CTTNBP2: variants seen among roughly 807,000 people sequenced by gnomAD.
CTTNBP2 encodes cortactin-binding protein 2.
In CTTNBP2, 108 loss-of-function variants were observed where a neutral mutation model predicts 156.9. That is an observed-to-expected ratio of 0.69 (90% CI 0.59 to 0.81). CTTNBP2 has a LOEUF of 0.81. CTTNBP2 is among the 30% of genes least tolerant of loss of function. The pLI is 0.00. For synonymous variants in CTTNBP2, 767 were observed against 751.8 expected, an observed-to-expected ratio of 1.02 and a Z score of -0.33; for missense variants, 1,924 against 2,035.4, an observed-to-expected ratio of 0.95 and a Z score of 1.05.
chr7:117,718,211 G>GTGTT, intron 21 of CTTNBP2, 92 bp from the exon 22 acceptor site: 1 of 756,520 alleles, frequency 1.3e-6, no homozygotes, highest in Non-Finnish European at 2.3e-6. Flanking sequence ...CACAGCAGAA[G>GTGTT]TGTTACTCTT....
chr7:117,746,219 A>G (rs1796323534), intron 12 of CTTNBP2, 120 bp from the exon 13 acceptor site: 1 of 680,806 alleles, frequency 1.5e-6, no homozygotes, highest in Non-Finnish European at 2.6e-6. Context: ...ATTAAAAACA[A>G]TATTTTAGAG....
rs374093500 is a variant in CTTNBP2, at chr7:117,741,278, G to T, written c.3535+4553C>A. Among the ~76,000 whole-genome samples, 3 of 152,316 alleles carry T rather than the reference G, an allele frequency of 2.0e-5. No individual in the cohort carries two copies. In the East Asian group the frequency reaches 5.8e-4, roughly 29 times the overall value. On this transcript the variant is annotated intron_variant, in intron 14 of 22. Transcript: ENST00000160373. ...AGCTTAGGGACTGCCTAGATATGGG[G>T]AGTGAGGCAGACAGGAAGTGATTAT...
chr7:117,791,486 GCTGCTGT>G lies in CTTNBP2; in HGVS notation c.1703_1709del (p.Asp568AlafsTer28). 1 of 1,614,222 alleles carries G rather than the reference GCTGCTGT, an allele frequency of 6.2e-7. No individual in the cohort carries two copies. Among genetic ancestry groups the G allele is most frequent in the South Asian group, 1.1e-5 (1 of 91,088 alleles). On this transcript the variant is annotated frameshift_variant, in exon 4 of 23. Coordinates refer to ENST00000160373, the MANE Select transcript of CTTNBP2 (RefSeq NM_033427.3). LOFTEE classifies it high-confidence loss of function. The stretch of plus-strand genomic sequence containing the variant: ...CTTTGGCCCCTGTGTTCGAGGCCCT[GCTGCTGT>G]CTATAATAACCTTGAGTTGGGGGTG...
chr7:117,733,075 G>A (rs1309376780), intron 16 of CTTNBP2, among the ~76,000 whole-genome samples: 3 of 152,092 alleles, frequency 2.0e-5, no homozygotes, highest in African/African-American at 4.8e-5. Flanking sequence ...CTGAAAGGTC[G>A]ATTTTCTTGT....
At chr7:117,719,460 C>A in intron 21 of CTTNBP2, 44 bp downstream of exon 21, 1 of 1,548,434 alleles carries the variant, frequency 6.5e-7, no homozygotes, top group Non-Finnish European at 8.8e-7. Flanking sequence ...AGTCTCCCAG[C>A]TGTTGAGTAG....
intron 7 of CTTNBP2, among the ~76,000 whole-genome samples, chr7:117,778,387 A>G (rs751509167): frequency 1.5e-4 from 23 of 152,200 alleles, no homozygotes; most frequent in Non-Finnish European, 2.6e-4. Context: ...AAATGTTTCA[A>G]CTAAAATTAT....
At chr7:117,796,331 A>T (rs964760785) in intron 3 of CTTNBP2, among the ~76,000 whole-genome samples, 1 of 152,242 alleles carries the variant, frequency 6.6e-6, no homozygotes, top group African/African-American at 2.4e-5. Flanking sequence ...ACATTTTTAT[A>T]TTAAAAAATC....
intron 3 of CTTNBP2, among the ~76,000 whole-genome samples, chr7:117,808,844 C>A (rs1205381311): frequency 2.0e-5 from 3 of 152,086 alleles, no homozygotes; most frequent in Non-Finnish European, 2.9e-5. Flanking sequence ...AAAGAGATGA[C>A]TTTGGTGTTT....
intron 16 of CTTNBP2, among the ~76,000 whole-genome samples, chr7:117,731,983 T>C (rs188313442): frequency 6.6e-6 from 1 of 152,352 alleles, no homozygotes; most frequent in East Asian, 1.9e-4. Context: ...AGAACATAAG[T>C]GTTCAAAAAA....
chr7:117,823,339 CTT>C (rs891149247), intron 2 of CTTNBP2, among the ~76,000 whole-genome samples: 3 of 151,936 alleles, frequency 2.0e-5, no homozygotes, highest in African/African-American at 7.3e-5. Context: ...ATTTAAAAGA[CTT>C]TTTCATAAAA....
At chr7:117,796,812 G>C (rs1178798101) in intron 3 of CTTNBP2, among the ~76,000 whole-genome samples, 1 of 152,170 alleles carries the variant, frequency 6.6e-6, no homozygotes, top group African/African-American at 2.4e-5. Flanking sequence ...GTTTTTATAA[G>C]TTAGATAGGG....
chr7:117,719,032 A>T (rs1794626294), intron 21 of CTTNBP2, among the ~76,000 whole-genome samples: 1 of 152,028 alleles, frequency 6.6e-6, no homozygotes, highest in Non-Finnish European at 1.5e-5. Flanking sequence ...CCCTGTCTCT[A>T]CTAAAAAGTC....
intron 2 of CTTNBP2, among the ~76,000 whole-genome samples, chr7:117,836,946 C>A (rs1206379743): frequency 6.6e-6 from 1 of 152,138 alleles, no homozygotes; most frequent in Non-Finnish European, 1.5e-5. Flanking sequence ...ATTATGGGAG[C>A]TATAATTCAA....
chr7:117,775,360 GTGTGGAAATCAATGACAATGCCA>G (rs1194088142), intron 8 of CTTNBP2, among the ~76,000 whole-genome samples: 4 of 152,114 alleles, frequency 2.6e-5, no homozygotes, highest in Admixed American at 6.6e-5. Flanking sequence ...TATGCCAGAG[GTGTGGAAATCAATGACAATGCCA>G]TGTGGAAATC....
At position 117,792,016 on chromosome 7, in the gene CTTNBP2, G is replaced by T. The variant is rs1386543401; in HGVS notation, c.1180C>A (p.Pro394Thr). The T allele has an allele frequency of 6.2e-7, 1 of 1,614,112 alleles. No individual in the cohort carries two copies. Among genetic ancestry groups the T allele is most frequent in the East Asian group, 2.2e-5 (1 of 44,856 alleles). The change falls in exon 4 of 23, where the codon CCA (proline) becomes ACA (threonine). Residue 394 changes from proline to threonine, a missense_variant. Transcript: ENST00000160373. The surrounding 1 kb of genome is among the most constrained non-coding windows in gnomAD (Gnocchi z 4.2). ...NGPSTGSTPDPTSSTPPLPSN... is the reference protein window; with the variant it reads ...NGPSTGSTPDTTSSTPPLPSN... ...GGAAGTGGGGGTGTGCTACTGGTTG[G>T]ATCTGGTGTTGAGCCAGTGCTTGGT...
intron 16 of CTTNBP2, 70 bp downstream of exon 16, chr7:117,734,843 T>G (rs1795590425): frequency 7.7e-7 from 1 of 1,291,812 alleles, no homozygotes; most frequent in Admixed American, 2.5e-5. Flanking sequence ...GTGGTGGAAC[T>G]CAAGCTGAGA....
Position 117,780,563 on chromosome 7 carries a change from C to G in CTTNBP2, c.2401G>C (p.Ala801Pro). ...ECVELLISYD[A>P]NINHAADGGQ... ...CCATCAGCAGCATGATTAATGTTAGCATCATATGAAATTAATAATTCTACA... is the reference window on the plus strand; with the variant it reads ...CCATCAGCAGCATGATTAATGTTAGGATCATATGAAATTAATAATTCTACA... Residue 801 changes from alanine to proline, a missense_variant, in exon 7 of 23, where the codon GCT (alanine) becomes CCT (proline). Coordinates refer to ENST00000160373, the MANE Select transcript of CTTNBP2 (RefSeq NM_033427.3). 1 of 1,588,796 alleles carries G rather than the reference C, an allele frequency of 6.3e-7. No individual in the cohort carries two copies. The highest frequency in any genetic ancestry group is 8.6e-7 in the Non-Finnish European group (1 of 1,167,742).
In CTTNBP2 at chr7:117,850,783, A is replaced by G. The variant is rs951751353; in HGVS notation, c.189+10426T>C. On this transcript the variant is annotated intron_variant, in intron 2 of 22. Coordinates refer to ENST00000160373, the MANE Select transcript of CTTNBP2 (RefSeq NM_033427.3). ...AATCTTAACAGCCCAGTACTTTTCC[A>G]TTGTCACACTTATCACAAATGCAAC... 1.2e-4 allele frequency among the ~76,000 whole-genome samples: 18 copies of G among 152,300 alleles called. 1 individual carries two copies. Among genetic ancestry groups the G allele is most frequent in the Admixed American group, 1.1e-3 (17 of 15,292 alleles).
At chr7:117,728,016 A>G in intron 17 of CTTNBP2, 73 bp downstream of exon 17, 27 of 1,159,502 alleles carry the variant, frequency 2.3e-5, no homozygotes, top group Non-Finnish European at 2.9e-5. Context: ...CCTGGTCAGC[A>G]TTCTCACCCT....
Sources: gnomAD v4.1 joint callset for allele counts (sites outside exome capture counted in the v4.1 genomes callset) on GRCh38, gnomAD v4.1.1 for gene constraint, Gnocchi (gnomAD v3.1) non-coding constraint, MANE v1.5 for transcripts, NCBI Gene and HGNC (gene_info 2026-07-23, HGNC 2026-07-21) for gene names.